Variants in ABL1 observed in about 807,000 individuals in gnomAD.
ABL1 encodes the protein tyrosine-protein kinase ABL1.
In ABL1, 11 loss-of-function variants were observed where a neutral mutation model predicts 94.7. The observed-to-expected ratio is 0.12, with a 90% CI of 0.07 to 0.19. ABL1 has a LOEUF of 0.19. ABL1 is among the 10% of genes least tolerant of loss of function. ABL1 has a pLI of 1.00. For missense variants in ABL1, 1,082 were observed against 1,489.4 expected (o/e 0.73, Z 4.50); for synonymous variants, 656 against 622.4 (o/e 1.05, Z -0.80).
intron 1 of ABL1, among the ~76,000 whole-genome samples, chr9:130,779,919 A>G (rs1419623151): frequency 6.6e-6 from 1 of 152,148 alleles, no homozygotes; most frequent in African/African-American, 2.4e-5. Context: ...GTATTAATAG[A>G]GCCACTCTGC....
chr9:130,844,787 G>A (rs1240888395), intron 1 of ABL1, among the ~76,000 whole-genome samples: 2 of 152,168 alleles, frequency 1.3e-5, no homozygotes, highest in Non-Finnish European at 2.9e-5. Context: ...AATGACAAGA[G>A]TGAAACTCGG....
chr9:130,869,623 C>G (rs974878217), intron 4 of ABL1, among the ~76,000 whole-genome samples: 1 of 152,198 alleles, frequency 6.6e-6, no homozygotes, highest in Admixed American at 6.5e-5. Context: ...CAGAAGAGAC[C>G]AGGCTGAAAA....
Position 130,862,906 on chromosome 9 carries a change from C to G in ABL1, c.693C>G (p.Asn231Lys). ...CCACTGTCTATGGTGTGTCCCCCAACTACGACAAGTGGGAGATGGAACGCA... is the reference window on the plus strand; with the variant it reads ...CCACTGTCTATGGTGTGTCCCCCAAGTACGACAAGTGGGAGATGGAACGCA... ...NKPTVYGVSP[N>K]YDKWEMERTD... The change falls in exon 4 of 11, where the codon AAC becomes AAG. Residue 231 changes from asparagine (N) to lysine (K), a missense_variant. Around this residue, in one of 7 missense-constraint regions of ABL1, gnomAD observed 92 missense variants for 212.3 expected, o/e 0.43. Coordinates refer to ENST00000318560, the MANE Select transcript of ABL1 (RefSeq NM_005157.6). The surrounding 1 kb of genome is among the most constrained non-coding windows in gnomAD (Gnocchi z 5.5). 1 of 1,614,210 alleles carries G rather than the reference C, an allele frequency of 6.2e-7. No individual in the cohort carries two copies. The highest frequency in any genetic ancestry group is 8.5e-7 in the Non-Finnish European group (1 of 1,180,046).
In ABL1 at chr9:130,875,811, C is replaced by T. The variant is rs570254255; in HGVS notation, c.1270+759C>T. Among the ~76,000 whole-genome samples the T allele has an allele frequency of 2.0e-5, 3 of 152,042 alleles. No homozygotes were observed. The South Asian group carries it at 6.2e-4, about 32-fold the overall frequency. On this transcript the variant is annotated intron_variant, in intron 7 of 10. Transcript: ENST00000318560. ...TTTATTTCCTTCCTTCCTTTCCTCC[C>T]CTCTCCCTCCCCTCCTCTCTTCTCC...
chr9:130,769,503 G>GTA (rs1345623409), intron 1 of ABL1, among the ~76,000 whole-genome samples: 2 of 151,214 alleles, frequency 1.3e-5, no homozygotes, highest in African/African-American at 2.4e-5. Context: ...GGCTAATTTT[G>GTA]TATATATATA....
In ABL1 at chr9:130,885,351, C is replaced by G; in HGVS notation, c.3061C>G (p.Arg1021Gly). The change falls in exon 11 of 11, where the codon CGG (arginine) becomes GGG (glycine). Residue 1021 changes from arginine (R) to glycine (G), a missense_variant. Physicochemically the swap from Arg to Gly is moderately radical, Grantham distance 125 (BLOSUM62 -2). Transcript: ENST00000318560. ...TCGGAAAACCCGCCAGCCTCCAGAG[C>G]GGATCGCCAGCGGCGCCATCACCAA... is the stretch of plus-strand genomic sequence containing the variant. ...SLRKTRQPPERIASGAITKGV... is the reference protein window; with the variant it reads ...SLRKTRQPPEGIASGAITKGV... The G allele has an allele frequency of 1.2e-6, 2 of 1,613,700 alleles. No individual in the cohort carries two copies. Among genetic ancestry groups the G allele is most frequent in the South Asian group, 2.2e-5 (2 of 91,080 alleles).
chr9:130,716,815 A>G (rs1229740508), intron 1 of ABL1, among the ~76,000 whole-genome samples: 2 of 151,744 alleles, frequency 1.3e-5, no homozygotes, highest in Non-Finnish European at 2.9e-5. Flanking sequence ...CTGTGGTGCA[A>G]TCTCGGCTCA....
At chr9:130,789,778 TA>T (rs1226038339) in intron 1 of ABL1, among the ~76,000 whole-genome samples, 1 of 152,174 alleles carries the variant, frequency 6.6e-6, no homozygotes, top group African/African-American at 2.4e-5. Flanking sequence ...ATCATTGAGA[TA>T]AAAAATTTAT....
chr9:130,781,048 A>G lies in ABL1; in HGVS notation c.136+66593A>G, dbSNP rs1829748486. Among the ~76,000 whole-genome samples the G allele has an allele frequency of 3.9e-5, 6 of 152,304 alleles. No homozygotes were observed. In the South Asian group the frequency reaches 1.2e-3, roughly 32 times the overall value. On this transcript the variant is annotated intron_variant, in intron 1 of 10. Transcript: ENST00000372348. ...GTTTTGAAGTTGTGCAGAGAACCTC[A>G]CTTGCGTCATTCTGAAGACGCAGTG...
chr9:130,822,439 C>CTTTTT (rs35922505), intron 1 of ABL1, among the ~76,000 whole-genome samples: 12 of 104,392 alleles, frequency 1.1e-4, no homozygotes, highest in Admixed American at 2.0e-4. Flanking sequence ...CCCGCCCCTG[C>CTTTTT]TTTTTTTTTT....
chr9:130,781,577 T>C (rs1415039093), intron 1 of ABL1, among the ~76,000 whole-genome samples: 1 of 152,198 alleles, frequency 6.6e-6, no homozygotes, highest in Admixed American at 6.5e-5. Context: ...AAATTGATAA[T>C]CTTTTAATAG....
intron 4 of ABL1, among the ~76,000 whole-genome samples, chr9:130,869,868 A>C (rs1356905901): frequency 1.3e-5 from 2 of 152,214 alleles, no homozygotes; most frequent in Admixed American, 1.3e-4. Flanking sequence ...TCTGTCGCCC[A>C]GGCTGAAGTG....
intron 1 of ABL1, among the ~76,000 whole-genome samples, chr9:130,714,908 T>G (rs1262828905): frequency 6.6e-6 from 1 of 152,234 alleles, no homozygotes; most frequent in South Asian, 2.1e-4. Flanking sequence ...TTAAGAATCA[T>G]AGATACTGGT....
At position 130,872,255 on chromosome 9, in the gene ABL1, A is replaced by AC. The variant is rs1247551016; in HGVS notation, c.907+47dup. 7 of 1,574,214 alleles carry AC rather than the reference A, an allele frequency of 4.4e-6. No individual in the cohort carries two copies. The highest frequency in any genetic ancestry group is 6.1e-6 in the Non-Finnish European group (7 of 1,148,830). On this transcript the variant is annotated intron_variant, in intron 5 of 10. Transcript: ENST00000318560. This position sits in a 1 kb window ranked among gnomAD's most constrained non-coding sequence, Gnocchi z 5.0. Reference sequence around the variant, plus strand: ...CTCTGAAGAGAGGGTCTCGCGCCGCACCCCCAGGGTGACACAGGCGCTGGG... The same window carrying AC: ...CTCTGAAGAGAGGGTCTCGCGCCGCACCCCCCAGGGTGACACAGGCGCTGGG...
chr9:130,880,398 G>T lies in ABL1; in HGVS notation c.1514-102G>T. 1 of 1,406,848 alleles carries T rather than the reference G, an allele frequency of 7.1e-7. No individual in the cohort carries two copies. The highest frequency in any genetic ancestry group is 1.3e-5 in the South Asian group (1 of 76,772). The allele number at this position is 1,406,848 out of a possible 1,614,324, so 87.1% of individuals were successfully genotyped here. A position where few individuals can be genotyped will look rare whatever the true frequency, so the allele number is the denominator to read the frequency against. ...CGTGCCTTTTCTTTAGTTGTATGCA[G>T]ATGAGCACTGTTACCTTACAAAGAA... On this transcript the variant is annotated intron_variant, in intron 9 of 10. Transcript: ENST00000318560. This position sits in a 1 kb window ranked among gnomAD's most constrained non-coding sequence, Gnocchi z 4.4.
intron 1 of ABL1, among the ~76,000 whole-genome samples, chr9:130,780,516 C>T (rs956876837): frequency 7.9e-5 from 12 of 152,166 alleles, no homozygotes; most frequent in Admixed American, 7.2e-4. Context: ...TTGCAACTTT[C>T]GTTTTTGGAT....
chr9:130,854,034 C>T lies in ABL1; in HGVS notation c.80-30C>T, dbSNP rs1190868245. ...TTCTCCCAATTTTCTCTTCCTTTTT[C>T]TTTTTTCTGTTCCCCCCTTTCTCTT... On this transcript the variant is annotated intron_variant, in intron 1 of 10. Coordinates refer to ENST00000318560, the MANE Select transcript of ABL1 (RefSeq NM_005157.6). The T allele has an allele frequency of 3.2e-6, 5 of 1,553,936 alleles. No homozygotes were observed. The Admixed American group carries it at 8.7e-5, about 27-fold the overall frequency.
intron 1 of ABL1, among the ~76,000 whole-genome samples, chr9:130,811,531 A>G (rs12005270): frequency 0.036 from 5,446 of 152,302 alleles, 312 homozygotes; most frequent in African/African-American, 0.12. Flanking sequence ...AGCTTTTTAC[A>G]CTACATGTGA....
At chr9:130,767,697 A>G (rs1373826271) in intron 1 of ABL1, among the ~76,000 whole-genome samples, 1 of 152,180 alleles carries the variant, frequency 6.6e-6, no homozygotes, top group African/African-American at 2.4e-5. Context: ...AAAAGGGAAC[A>G]CATTTGATTC....
Sources: allele counts gnomAD v4.1 joint callset (sites outside exome capture counted in the v4.1 genomes callset), GRCh38; gene constraint gnomAD v4.1.1; regional missense constraint gnomAD v4.1.1; non-coding constraint Gnocchi (gnomAD v3.1); transcripts MANE v1.5; gene names NCBI Gene and HGNC (gene_info 2026-07-23, HGNC 2026-07-21).